SMAD7: variants seen among roughly 807,000 people sequenced by gnomAD.
SMAD7 encodes SMAD family member 7.
In SMAD7, 8 loss-of-function variants were observed where a neutral mutation model predicts 38.7. The ratio of observed to expected loss-of-function variants is 0.21; its 90% confidence interval spans 0.12 to 0.37. SMAD7 has a LOEUF of 0.37. Among genes scored for constraint, SMAD7 ranks in the 10% least tolerant of loss-of-function variants. The pLI, the probability that SMAD7 is intolerant of heterozygous loss-of-function variation, is 1.00. For missense variants in SMAD7, 477 were observed against 577.9 expected (o/e 0.83, Z 1.79); for synonymous variants, 327 against 265.1 (o/e 1.23, Z -2.27).
chr18:48,923,456 TG>T (rs962260666), intron 3 of SMAD7, among the ~76,000 whole-genome samples: 6 of 152,036 alleles, frequency 3.9e-5, no homozygotes, highest in African/African-American at 1.2e-4. Flanking sequence ...GGGAACCCAC[TG>T]GCTCCACTCA....
At chr18:48,948,193 A>T (rs1017569985) in intron 2 of SMAD7, among the ~76,000 whole-genome samples, 191 bp downstream of exon 2, 2 of 152,220 alleles carry the variant, frequency 1.3e-5, no homozygotes, top group African/African-American at 4.8e-5. Flanking sequence ...ATATCAAGGG[A>T]ACGTCTTTGC....
At chr18:48,926,028 G>C (rs1316312205) in intron 3 of SMAD7, among the ~76,000 whole-genome samples, 1 of 152,256 alleles carries the variant, frequency 6.6e-6, no homozygotes, top group Middle Eastern at 3.2e-3. Context: ...TTATAGGCGT[G>C]AGCCGCCGCA....
chr18:48,926,516 T>C (rs1222592271), intron 3 of SMAD7, among the ~76,000 whole-genome samples: 3 of 152,214 alleles, frequency 2.0e-5, no homozygotes, highest in African/African-American at 7.2e-5. Context: ...CACGGGCCTA[T>C]CAGCCCCCTC....
At chr18:48,927,270 G>A (rs181297109) in intron 3 of SMAD7, among the ~76,000 whole-genome samples, 33 of 151,798 alleles carry the variant, frequency 2.2e-4, no homozygotes, top group African/African-American at 6.3e-4. Context: ...CAGATCAGAC[G>A]ATGAATCCTG....
chr18:48,942,807 T>C, intron 2 of SMAD7: 6 of 1,302,022 alleles, frequency 4.6e-6, no homozygotes, highest in Non-Finnish European at 5.8e-6. Context: ...TCAATGAGAC[T>C]GGCTGGAATT....
At chr18:48,937,519 G>A (rs113699782) in intron 3 of SMAD7, among the ~76,000 whole-genome samples, 25 of 152,202 alleles carry the variant, frequency 1.6e-4, no homozygotes, top group Middle Eastern at 3.4e-3. Flanking sequence ...AACCCCTGCC[G>A]GACTGCCTCA....
intron 3 of SMAD7, among the ~76,000 whole-genome samples, chr18:48,930,863 C>A (rs969062147): frequency 3.3e-5 from 5 of 152,218 alleles, no homozygotes; most frequent in Admixed American, 6.5e-5. Flanking sequence ...GGTATTTGCA[C>A]ATCCATGTTC....
chr18:48,936,456 C>T (rs1244505475), intron 3 of SMAD7, among the ~76,000 whole-genome samples: 2 of 152,184 alleles, frequency 1.3e-5, no homozygotes, highest in Non-Finnish European at 2.9e-5. Flanking sequence ...TTTTCATCGT[C>T]CCAAAAGGAA....
chr18:48,928,520 C>T (rs79474805), intron 3 of SMAD7, among the ~76,000 whole-genome samples: 7 of 151,970 alleles, frequency 4.6e-5, no homozygotes, highest in East Asian at 1.9e-4. Context: ...CCTCAAGAGA[C>T]GGTGAGCCCC....
chr18:48,949,402 G>T, intron 1 of SMAD7: 1 of 410,736 alleles, frequency 2.4e-6, no homozygotes, highest in African/African-American at 2.2e-5. Context: ...GGCGGGCCTG[G>T]ACCAAATCCA....
intron 2 of SMAD7, among the ~76,000 whole-genome samples, chr18:48,945,836 G>A (rs2070188949): frequency 6.6e-6 from 1 of 152,294 alleles, no homozygotes; most frequent in Admixed American, 6.5e-5. Context: ...AGCTATCCCC[G>A]AGATCCAGCT....
intron 2 of SMAD7, among the ~76,000 whole-genome samples, chr18:48,943,421 G>A (rs548330999): frequency 6.6e-6 from 1 of 152,338 alleles, no homozygotes; most frequent in Admixed American, 6.5e-5. Context: ...CCGTTAATGA[G>A]GATAATGACA....
At chr18:48,940,170 A>G (rs2070121226) in intron 3 of SMAD7, among the ~76,000 whole-genome samples, 1 of 151,978 alleles carries the variant, frequency 6.6e-6, no homozygotes, top group Non-Finnish European at 1.5e-5. Context: ...TTATGAATAC[A>G]CTGCACCAAC....
intron 2 of SMAD7, 152 bp downstream of exon 2, chr18:48,948,232 G>C: frequency 7.6e-6 from 4 of 529,662 alleles, no homozygotes; most frequent in Non-Finnish European, 1.0e-5. Context: ...AGCCACAACA[G>C]AAAAATTCAC....
intron 3 of SMAD7, among the ~76,000 whole-genome samples, chr18:48,926,923 A>C (rs1471700527): frequency 6.6e-6 from 1 of 152,134 alleles, no homozygotes; most frequent in Non-Finnish European, 1.5e-5. Context: ...CATCCCATCT[A>C]TTCTCACGCC....
intron 3 of SMAD7, among the ~76,000 whole-genome samples, chr18:48,928,798 C>T (rs190892435): frequency 5.3e-5 from 8 of 152,300 alleles, no homozygotes; most frequent in Admixed American, 2.0e-4. Flanking sequence ...GAGTCTGAAG[C>T]CCCCAACCTG....
At chr18:48,943,766 G>A (rs1331431427) in intron 2 of SMAD7, among the ~76,000 whole-genome samples, 1 of 152,162 alleles carries the variant, frequency 6.6e-6, no homozygotes, top group Admixed American at 6.5e-5. Flanking sequence ...AAGAGCAGAC[G>A]GGCAAGTAGC....
chr18:48,921,294 C>G lies in SMAD7; in HGVS notation c.*78G>C. The G allele has an allele frequency of 7.6e-7, 1 of 1,319,982 alleles. No individual in the cohort carries two copies. Among genetic ancestry groups the G allele is most frequent in the Non-Finnish European group, 1.0e-6 (1 of 968,636 alleles). The allele number at this position is 1,319,982 out of a possible 1,614,324, so 81.8% of individuals were successfully genotyped here. A position where few individuals can be genotyped will look rare whatever the true frequency, so the allele number is the denominator to read the frequency against. On this transcript the variant is annotated 3_prime_UTR_variant, in exon 4 of 4. Coordinates refer to ENST00000262158, the MANE Select transcript of SMAD7 (RefSeq NM_005904.4). This position sits in a 1 kb window ranked among gnomAD's most constrained non-coding sequence, Gnocchi z 6.4. ...AAAGAGTTTGCATGAAAAGCAAGCA[C>G]TCAGGAGGAAAATATTAGCAGCAAA... is the stretch of plus-strand genomic sequence containing the variant.
chr18:48,946,530 A>T (rs1241015616), intron 2 of SMAD7, among the ~76,000 whole-genome samples: 1 of 152,114 alleles, frequency 6.6e-6, no homozygotes, highest in Non-Finnish European at 1.5e-5. Context: ...AAATTCTTAC[A>T]CAGCAGCGCC....
Sources: allele counts gnomAD v4.1 joint callset (sites outside exome capture counted in the v4.1 genomes callset), GRCh38; gene constraint gnomAD v4.1.1; non-coding constraint Gnocchi (gnomAD v3.1); transcripts MANE v1.5; gene names NCBI Gene and HGNC (gene_info 2026-07-23, HGNC 2026-07-21).